GRID2: variants seen among roughly 807,000 people sequenced by gnomAD.
GRID2 encodes glutamate ionotropic receptor delta type subunit 2, also known as glutamate receptor ionotropic, delta-2.
Under a neutral mutation model 114.8 loss-of-function variants are expected in GRID2, and 33 were observed. The ratio of observed to expected loss-of-function variants is 0.29; its 90% CI spans 0.22 to 0.38. GRID2 has a LOEUF of 0.38. Among genes scored for constraint, GRID2 ranks in the 10% least tolerant of loss-of-function variants. The pLI is 1.00. For missense variants in GRID2, 1,184 were observed against 1,257.7 expected (o/e 0.94, Z 0.89); for synonymous variants, 505 against 449.9 (o/e 1.12, Z -1.55).
intron 6 of GRID2, among the ~76,000 whole-genome samples, chr4:93,218,718 A>T (rs1337737004): frequency 6.6e-6 from 1 of 152,086 alleles, no homozygotes; most frequent in African/African-American, 2.4e-5. Flanking sequence ...ACCCTTATCT[A>T]TATGTGTATT....
At chr4:93,291,691 T>C (rs930985206) in intron 8 of GRID2, among the ~76,000 whole-genome samples, 37 of 152,340 alleles carry the variant, frequency 2.4e-4, no homozygotes, top group African/African-American at 8.9e-4. Flanking sequence ...GACAAACTCA[T>C]AGATTTTGTA....
intron 13 of GRID2, among the ~76,000 whole-genome samples, chr4:93,578,327 A>C (rs530230580): frequency 4.8e-4 from 73 of 152,230 alleles, no homozygotes; most frequent in African/African-American, 1.8e-3. Context: ...TTTTTAGCCC[A>C]CTGAGCAATT....
intron 10 of GRID2, among the ~76,000 whole-genome samples, chr4:93,438,175 AC>A (rs1214724667): frequency 6.6e-6 from 1 of 152,112 alleles, no homozygotes. Flanking sequence ...AGTGGAAGAT[AC>A]TTTTCCTCGG....
intron 8 of GRID2, among the ~76,000 whole-genome samples, chr4:93,279,322 C>T (rs1312212791): frequency 2.0e-5 from 3 of 151,686 alleles, no homozygotes; most frequent in South Asian, 2.1e-4. Flanking sequence ...TGTACTAGAA[C>T]ATAAAATGGC....
intron 1 of GRID2, among the ~76,000 whole-genome samples, chr4:92,387,159 T>C (rs1404301040): frequency 6.6e-6 from 1 of 151,882 alleles, no homozygotes; most frequent in Non-Finnish European, 1.5e-5. Context: ...TAAAACCTTA[T>C]ATACTCAAAA....
At chr4:92,382,644 G>A (rs1268404726) in intron 1 of GRID2, among the ~76,000 whole-genome samples, 1 of 151,814 alleles carries the variant, frequency 6.6e-6, no homozygotes, top group Non-Finnish European at 1.5e-5. Flanking sequence ...GTGAGGAATT[G>A]GAATATGTAT....
intron 1 of GRID2, among the ~76,000 whole-genome samples, chr4:92,443,719 G>T (rs949904616): frequency 6.6e-6 from 1 of 152,100 alleles, no homozygotes; most frequent in Non-Finnish European, 1.5e-5. Context: ...GGAGAGAAGG[G>T]GTTGGGGTAC....
chr4:92,976,164 C>T (rs531055220), intron 2 of GRID2, among the ~76,000 whole-genome samples: 1 of 152,064 alleles, frequency 6.6e-6, no homozygotes, highest in African/African-American at 2.4e-5. Context: ...TCACCTTGGT[C>T]ATAATAAATA....
At chr4:93,721,504 G>A in intron 14 of GRID2, among the ~76,000 whole-genome samples, 1 of 152,094 alleles carries the variant, frequency 6.6e-6, no homozygotes, top group East Asian at 1.9e-4. Context: ...AAGTGAAAAA[G>A]CATTAATTCA....
chr4:92,460,032 C>CTATATATATATATACATATATA (rs1553937272), intron 1 of GRID2, among the ~76,000 whole-genome samples: 1 of 48,432 alleles, frequency 2.1e-5, no homozygotes, highest in African/African-American at 1.0e-4. Context: ...ATAAATCTCA[C>CTATATATATATATACATATATA]TATATATATA....
chr4:92,350,836 A>T (rs922868957), intron 1 of GRID2, among the ~76,000 whole-genome samples: 2 of 151,780 alleles, frequency 1.3e-5, no homozygotes, highest in African/African-American at 2.4e-5. Flanking sequence ...AATTTTCCCC[A>T]AATGCCCCAA....
At chr4:93,744,114 C>A (rs1731641560) in intron 14 of GRID2, among the ~76,000 whole-genome samples, 1 of 152,174 alleles carries the variant, frequency 6.6e-6, no homozygotes, top group African/African-American at 2.4e-5. Context: ...GCTCAGAAAA[C>A]AAGATTCCTT....
chr4:93,666,242 C>G (rs2149744658), intron 14 of GRID2, among the ~76,000 whole-genome samples: 1 of 152,066 alleles, frequency 6.6e-6, no homozygotes, highest in African/African-American at 2.4e-5. Flanking sequence ...TTTATTAATT[C>G]AACAAATTTG....
chr4:93,400,370 T>C (rs925142223), intron 9 of GRID2, among the ~76,000 whole-genome samples: 1 of 152,162 alleles, frequency 6.6e-6, no homozygotes, highest in Non-Finnish European at 1.5e-5. Context: ...TTGGTGTCTC[T>C]TCTAATCTCT....
intron 8 of GRID2, among the ~76,000 whole-genome samples, chr4:93,323,249 T>G (rs1757436366): frequency 6.6e-6 from 1 of 152,238 alleles, no homozygotes; most frequent in South Asian, 2.1e-4. Context: ...GGATCCAGTT[T>G]CAGCTTTCTA....
chr4:92,677,837 T>C (rs1262520115), intron 2 of GRID2, among the ~76,000 whole-genome samples: 3 of 152,170 alleles, frequency 2.0e-5, no homozygotes, highest in Non-Finnish European at 4.4e-5. Flanking sequence ...TTCATTATTT[T>C]CTTCCTTGGT....
chr4:92,810,625 A>G (rs1001121867), intron 2 of GRID2, among the ~76,000 whole-genome samples: 1 of 152,124 alleles, frequency 6.6e-6, no homozygotes, highest in Non-Finnish European at 1.5e-5. Context: ...TGATTCATAG[A>G]CAATCTTATG....
intron 14 of GRID2, among the ~76,000 whole-genome samples, chr4:93,717,953 G>C (rs1242572650): frequency 1.3e-5 from 2 of 152,128 alleles, no homozygotes; most frequent in Admixed American, 1.3e-4. Context: ...ATATGATGTT[G>C]TTAAGATGTA....
chr4:93,020,581 G>A (rs956007685), intron 2 of GRID2, among the ~76,000 whole-genome samples: 1 of 152,196 alleles, frequency 6.6e-6, no homozygotes, highest in African/African-American at 2.4e-5. Flanking sequence ...TTAAAATGTG[G>A]GTTTAAAATG....
Sources: allele counts gnomAD v4.1 joint callset (sites outside exome capture counted in the v4.1 genomes callset), GRCh38; gene constraint gnomAD v4.1.1; transcripts MANE v1.5; gene names NCBI Gene and HGNC (gene_info 2026-07-23, HGNC 2026-07-21).